AIMP1: variants seen among roughly 807,000 people sequenced by gnomAD.
AIMP1 encodes the protein aminoacyl tRNA synthetase complex interacting multifunctional protein 1, also known as aminoacyl tRNA synthase complex-interacting multifunctional protein 1.
A neutral mutation model predicts 33.1 loss-of-function variants in AIMP1; 24 were observed. The observed-to-expected ratio is 0.73, with a 90% CI of 0.53 to 1.02. AIMP1 has a LOEUF of 1.02. Among genes scored for constraint, AIMP1 ranks in the 50% least tolerant of loss-of-function variants. The probability of loss-of-function intolerance (pLI) is 0.00; values close to 1 mark genes in which losing one functional copy is unlikely to be tolerated. For missense variants in AIMP1, 367 were observed against 364.8 expected (o/e 1.01, Z -0.05); for synonymous variants, 120 against 121.5 (o/e 0.99, Z 0.08).
intron 5 of AIMP1, among the ~76,000 whole-genome samples, chr4:106,333,555 G>A (rs1769757350): frequency 6.6e-6 from 1 of 152,180 alleles, no homozygotes; most frequent in Non-Finnish European, 1.5e-5. Flanking sequence ...AAAAGAAATT[G>A]ATAGGAGGTT....
chr4:106,334,983 T>C (rs1373548265), intron 5 of AIMP1, among the ~76,000 whole-genome samples: 2 of 152,198 alleles, frequency 1.3e-5, no homozygotes, highest in African/African-American at 4.8e-5. Flanking sequence ...TAGATCATTG[T>C]AAAGTTTGGC....
At chr4:106,336,806 A>C in intron 5 of AIMP1, 63 bp from the exon 6 acceptor site, 1 of 1,437,712 alleles carries the variant, frequency 7.0e-7, no homozygotes, top group Non-Finnish European at 9.8e-7. Context: ...AGCTTAATGT[A>C]GTCTGGATAT....
rs59016309 is a variant in AIMP1 at position 106,329,772 on chromosome 4, C to CTTTTTT, written c.391+1554_391+1559dup. Among the ~76,000 whole-genome samples, 47 of 53,082 alleles carry CTTTTTT rather than the reference C, an allele frequency of 8.9e-4. 6 individuals carry two copies. Among genetic ancestry groups the CTTTTTT allele is most frequent in the East Asian group, 7.5e-3 (14 of 1,858 alleles). The allele number at this position is 53,082 out of a possible 152,430, so 34.8% of individuals were successfully genotyped here. ...ATGATCTTTCTAGACTGCTACATAT[C>CTTTTTT]TTTTTTTTTTTTTTTTTTTTTTTTT... On this transcript the variant is annotated intron_variant, in intron 4 of 6. Transcript: ENST00000672341.
At position 106,338,923 on chromosome 4, in the gene AIMP1, G is replaced by C. The variant is rs138847388; in HGVS notation, c.772+1886G>C. Among the ~76,000 whole-genome samples, 122 of 152,318 alleles carry C rather than the reference G, an allele frequency of 8.0e-4. 2 individuals are homozygous for C. The East Asian group carries it at 0.019, about 24-fold the overall frequency. ...CACCTGTTGCATCAGCATGACCTGC[G>C]TGTGAGACATGGCGTCAAAGGAGAT... On this transcript the variant is annotated intron_variant, in intron 6 of 6. Transcript: ENST00000672341.
upstream of AIMP1, chr4:106,315,573 C>A (rs527596676): frequency 6.6e-6 from 1 of 152,336 alleles, no homozygotes; most frequent in Non-Finnish European, 1.5e-5. Flanking sequence ...GGGGGTGTTA[C>A]ACTTTGACGA....
chr4:106,318,449 A>C (rs993537219), intron 1 of AIMP1, among the ~76,000 whole-genome samples: 7 of 152,358 alleles, frequency 4.6e-5, no homozygotes, highest in African/African-American at 1.7e-4. Flanking sequence ...TCCAGTAATT[A>C]GATTGTGTAG....
chr4:106,340,365 A>G (rs895839523), intron 6 of AIMP1, among the ~76,000 whole-genome samples: 2 of 151,980 alleles, frequency 1.3e-5, no homozygotes, highest in Non-Finnish European at 1.5e-5. Context: ...GAAGTTTAGT[A>G]TAGGAATGAT....
intron 4 of AIMP1, 101 bp downstream of exon 4, chr4:106,328,344 C>T: frequency 2.2e-6 from 3 of 1,352,880 alleles, no homozygotes; most frequent in Non-Finnish European, 3.0e-6. Flanking sequence ...TAAAGTTCAA[C>T]TTTCATGAGC....
intron 6 of AIMP1, among the ~76,000 whole-genome samples, chr4:106,344,252 T>C (rs1364294868): frequency 6.6e-6 from 1 of 152,192 alleles, no homozygotes; most frequent in Non-Finnish European, 1.5e-5. Flanking sequence ...TTGGCAATTT[T>C]ACCCAGTCAC....
intron 6 of AIMP1, 41 bp from the exon 7 acceptor site, chr4:106,347,485 T>C (rs112128069): frequency 6.3e-7 from 1 of 1,577,236 alleles, no homozygotes; most frequent in Admixed American, 1.7e-5. Flanking sequence ...TTTTTGTATA[T>C]TAGCTGTGTA....
At chr4:106,333,626 A>G (rs1271143993) in intron 5 of AIMP1, among the ~76,000 whole-genome samples, 2 of 152,318 alleles carry the variant, frequency 1.3e-5, no homozygotes, top group East Asian at 3.9e-4. Flanking sequence ...TGCTTTGTGT[A>G]GCTTCAGAAA....
At position 106,331,732 on chromosome 4, in the gene AIMP1, A is replaced by G; in HGVS notation, c.452A>G (p.Asp151Gly). ...GGAAGTGCCGACTCTAAGCCAATAG[A>G]TGTTTCCCGTCTGGATCTTCGAATT... ...IAGSADSKPI[D>G]VSRLDLRIGC... Residue 151 changes from aspartate to glycine, a missense_variant, in exon 5 of 7, where the codon GAT (aspartate) becomes GGT (glycine). Coordinates refer to ENST00000672341, the MANE Select transcript of AIMP1 (RefSeq NM_001142416.2). 6.2e-7 allele frequency: 1 copy of G among 1,614,100 alleles called. No homozygotes were observed. The highest frequency in any genetic ancestry group is 8.5e-7 in the Non-Finnish European group (1 of 1,179,978).
intron 5 of AIMP1, among the ~76,000 whole-genome samples, chr4:106,334,711 G>A (rs55726133): frequency 0.15 from 22,752 of 152,168 alleles, 1,839 homozygotes; most frequent in South Asian, 0.25. Context: ...AATCTAGTAA[G>A]TATTGAGGCC....
Position 106,347,603 on chromosome 4 carries a change from T to G in AIMP1, c.850T>G (p.Cys284Gly). 1 of 1,613,278 alleles carries G rather than the reference T, an allele frequency of 6.2e-7. No individual in the cohort carries two copies. Among genetic ancestry groups the G allele is most frequent in the African/African-American group, 1.3e-5 (1 of 74,894 alleles). Residue 284 changes from cysteine (C) to glycine (G), a missense_variant, in exon 7 of 7, where the codon TGT becomes GGT. By Grantham distance (159) the Cys-to-Gly change is radical. Transcript: ENST00000672341. Reference sequence around the variant, plus strand: ...GCCTGATCTTCACACTAATGATGAGTGTGTGGCTACATACAAAGGAGTTCC... The same window carrying G: ...GCCTGATCTTCACACTAATGATGAGGGTGTGGCTACATACAAAGGAGTTCC... ...IQPDLHTNDE[C>G]VATYKGVPFE...
At chr4:106,315,605 G>C (rs1231442934), upstream of AIMP1, 2 of 152,218 alleles carry the variant, frequency 1.3e-5, no homozygotes, top group Non-Finnish European at 2.9e-5. Flanking sequence ...TCGAGGGCCA[G>C]AAACAAACCA....
intron 6 of AIMP1, among the ~76,000 whole-genome samples, chr4:106,343,222 T>TTAAA (rs1770167538): frequency 1.3e-5 from 2 of 152,188 alleles, no homozygotes; most frequent in Admixed American, 6.5e-5. Flanking sequence ...GAGATGTTTT[T>TTAAA]AATAGTCTCT....
chr4:106,320,427 TG>T (rs1298920287), intron 1 of AIMP1, among the ~76,000 whole-genome samples: 1 of 152,154 alleles, frequency 6.6e-6, no homozygotes, highest in African/African-American at 2.4e-5. Context: ...AGTGTAAAGT[TG>T]GGGTCATGAA....
chr4:106,336,904 G>A lies in AIMP1; in HGVS notation c.639G>A (p.Leu213=), dbSNP rs1384350705. The change falls in exon 6 of 7, where the codon CTG becomes CTA. Residue 213 remains leucine (L), a synonymous_variant. Transcript: ENST00000672341. ...GGATGGTGATTTTACTTTGTAACCT[G>A]AAACCTGCAAAGATGAGGGGAGTAT... ...QNRMVILLCN[L]KPAKMRGVLS... The A allele has an allele frequency of 6.2e-7, 1 of 1,614,040 alleles. No individual in the cohort carries two copies. Among genetic ancestry groups the A allele is most frequent in the African/African-American group, 1.3e-5 (1 of 75,014 alleles).
At chr4:106,320,754 C>T (rs546344847) in intron 1 of AIMP1, among the ~76,000 whole-genome samples, 1 of 151,914 alleles carries the variant, frequency 6.6e-6, no homozygotes, top group Non-Finnish European at 1.5e-5. Context: ...ATAGCCCTCT[C>T]CCTCTCCCTC....
Sources: gnomAD v4.1 joint callset for allele counts (sites outside exome capture counted in the v4.1 genomes callset) on GRCh38, gnomAD v4.1.1 for gene constraint, MANE v1.5 for transcripts, NCBI Gene and HGNC (gene_info 2026-07-23, HGNC 2026-07-21) for gene names.